The following TANC2 variants were observed in gnomAD, a reference collection of about 807,000 sequenced individuals.
TANC2 encodes the protein tetratricopeptide repeat, ankyrin repeat and coiled-coil containing 2.
A neutral mutation model predicts 210.5 loss-of-function variants in TANC2; 26 were observed. The ratio of observed to expected loss-of-function variants is 0.12; its 90% CI spans 0.09 to 0.17. The LOEUF (loss-of-function observed/expected upper bound fraction) is 0.17, where lower values mean the gene tolerates loss of function less well. Among genes scored for constraint, TANC2 ranks in the 10% least tolerant of loss-of-function variants. The pLI is 1.00. For missense variants in TANC2, 2,129 were observed against 2,608.9 expected, an observed-to-expected ratio of 0.82 and a Z score of 4.01; for synonymous variants, 931 against 967.1, an observed-to-expected ratio of 0.96 and a Z score of 0.69.
intron 9 of TANC2, among the ~76,000 whole-genome samples, chr17:63,293,005 C>T (rs923570377): frequency 1.4e-4 from 21 of 152,282 alleles, no homozygotes; most frequent in Admixed American, 1.4e-3. Context: ...TTTATTTATT[C>T]TAATTTTCTT....
At chr17:63,218,681 A>AATTC (rs879559635) in intron 7 of TANC2, among the ~76,000 whole-genome samples, 16 of 152,174 alleles carry the variant, frequency 1.1e-4, no homozygotes, top group Non-Finnish European at 1.9e-4. Context: ...GGATAGCCTG[A>AATTC]AGTCAGGAGT....
intron 4 of TANC2, among the ~76,000 whole-genome samples, chr17:63,106,888 A>C (rs1353828182): frequency 6.6e-6 from 1 of 151,564 alleles, no homozygotes; most frequent in Non-Finnish European, 1.5e-5. Context: ...TGTAGTGTTT[A>C]TTTATAAAAG....
At chr17:62,977,757 TAAAGAA>T (rs1296353381) in intron 1 of TANC2, among the ~76,000 whole-genome samples, 1 of 152,050 alleles carries the variant, frequency 6.6e-6, no homozygotes, top group Non-Finnish European at 1.5e-5. Context: ...TAGGAGTCAA[TAAAGAA>T]AAAGTTGATA....
At chr17:63,203,933 A>T (rs2041615889) in intron 7 of TANC2, among the ~76,000 whole-genome samples, 1 of 152,194 alleles carries the variant, frequency 6.6e-6, no homozygotes. Flanking sequence ...AAGGAAAATG[A>T]GGATGATTAA....
chr17:63,050,340 G>C (rs1184448844), intron 2 of TANC2, among the ~76,000 whole-genome samples: 2 of 145,726 alleles, frequency 1.4e-5, no homozygotes, highest in Admixed American at 7.0e-5. Flanking sequence ...CTGGGCAACA[G>C]AGCAAGACCC....
intron 8 of TANC2, among the ~76,000 whole-genome samples, chr17:63,252,815 G>GT (rs1567855146): frequency 6.6e-6 from 1 of 151,736 alleles, no homozygotes; most frequent in South Asian, 2.1e-4. Context: ...TTGTGTTTTG[G>GT]TTTTTTTGGA....
intron 1 of TANC2, among the ~76,000 whole-genome samples, chr17:62,987,826 G>C (rs1164373654): frequency 6.6e-6 from 1 of 152,160 alleles, no homozygotes; most frequent in African/African-American, 2.4e-5. Flanking sequence ...GGAGTACAGG[G>C]AAGGGGTGCA....
At chr17:63,270,041 C>A (rs569571665) in intron 9 of TANC2, among the ~76,000 whole-genome samples, 1 of 152,192 alleles carries the variant, frequency 6.6e-6, no homozygotes, top group African/African-American at 2.4e-5. Context: ...CTTTATTTTT[C>A]AAGAGCTTTC....
intron 2 of TANC2, among the ~76,000 whole-genome samples, chr17:63,024,775 A>G (rs2034484327): frequency 6.6e-6 from 1 of 152,244 alleles, no homozygotes; most frequent in Admixed American, 6.5e-5. Context: ...AAGATTATAC[A>G]GCTAGTAGGA....
intron 1 of TANC2, among the ~76,000 whole-genome samples, chr17:63,001,727 T>C (rs2033395856): frequency 6.6e-6 from 1 of 151,978 alleles, no homozygotes. Flanking sequence ...TTGTATTTTT[T>C]AGTAGAGACA....
intron 15 of TANC2, among the ~76,000 whole-genome samples, chr17:63,382,714 A>G (rs1037970303): frequency 6.6e-6 from 1 of 152,188 alleles, no homozygotes; most frequent in Admixed American, 6.5e-5. Flanking sequence ...GATAACTCCT[A>G]TTCTAAATGT....
rs189099804 is a variant in TANC2 at position 62,984,434 on chromosome 17, A to G, written c.-24+17685A>G. Among the ~76,000 whole-genome samples the G allele has an allele frequency of 1.9e-3, 287 of 151,636 alleles. 1 individual carries two copies. The highest frequency in any genetic ancestry group is 3.1e-3 in the Non-Finnish European group (208 of 67,764). On this transcript the variant is annotated intron_variant, in intron 1 of 27. Coordinates refer to ENST00000689528, the Ensembl canonical transcript of TANC2. ...CCAAATTTTTGTCTCATTGATCTTT[A>G]GTATTTTTTTTGTCTCTCAACTTCA...
At position 63,038,012 on chromosome 17, in the gene TANC2, A is replaced by G. The variant is rs915817847; in HGVS notation, c.67+28386A>G. Among the ~76,000 whole-genome samples the G allele has an allele frequency of 5.9e-5, 9 of 152,040 alleles. No individual in the cohort carries two copies. The East Asian group carries it at 1.7e-3, about 29-fold the overall frequency. On this transcript the variant is annotated intron_variant, in intron 2 of 27. Transcript: ENST00000689528. Reference sequence around the variant, plus strand: ...TTCCTTTCCAGTATGTATGCTCTTTATTCTTTTTCTCATTTTATGGCACTG... The same window carrying G: ...TTCCTTTCCAGTATGTATGCTCTTTGTTCTTTTTCTCATTTTATGGCACTG...
chr17:63,180,545 C>T (rs901474555), intron 5 of TANC2, among the ~76,000 whole-genome samples: 10 of 152,114 alleles, frequency 6.6e-5, no homozygotes. Context: ...TATCAGGAAG[C>T]TGAGAAACTT....
intron 3 of TANC2, among the ~76,000 whole-genome samples, chr17:63,085,835 C>T (rs1240604717): frequency 6.6e-6 from 1 of 152,118 alleles, no homozygotes; most frequent in African/African-American, 2.4e-5. Context: ...TTCACGTATT[C>T]ATTCTCTAAG....
At chr17:63,075,131 T>C (rs1283893136) in intron 3 of TANC2, among the ~76,000 whole-genome samples, 2 of 152,198 alleles carry the variant, frequency 1.3e-5, no homozygotes, top group African/African-American at 4.8e-5. Context: ...GGAATTTATC[T>C]TATTCACTCT....
At chr17:63,076,040 C>T (rs2036560551) in intron 3 of TANC2, among the ~76,000 whole-genome samples, 1 of 152,028 alleles carries the variant, frequency 6.6e-6, no homozygotes, top group African/African-American at 2.4e-5. Context: ...AGGAAATCAA[C>T]AAAACAACCT....
chr17:63,382,532 A>T (rs190252891), intron 15 of TANC2, among the ~76,000 whole-genome samples: 101 of 152,362 alleles, frequency 6.6e-4, no homozygotes, highest in African/African-American at 2.4e-3. Context: ...AAATATAGAA[A>T]AGTACAGATA....
chr17:63,415,519 T>A lies in TANC2; in HGVS notation c.4021-9T>A, dbSNP rs759539777. ...AACTGTGTGTTTCGCCATCTTGTGC[T>A]CCCATTAGAAAGGTAAAGTAAAGGA... is the stretch of plus-strand genomic sequence containing the variant. On this transcript the variant is annotated splice_polypyrimidine_tract_variant and intron_variant, in intron 25 of 27. Coordinates refer to ENST00000689528, the Ensembl canonical transcript of TANC2. 3.0e-5 allele frequency: 49 copies of A among 1,612,928 alleles called. No individual in the cohort carries two copies. The South Asian group carries it at 5.1e-4, about 17-fold the overall frequency.
Sources: allele counts gnomAD v4.1 joint callset (sites outside exome capture counted in the v4.1 genomes callset), GRCh38; gene constraint gnomAD v4.1.1; transcripts MANE v1.5; gene names NCBI Gene and HGNC (gene_info 2026-07-23, HGNC 2026-07-21).